Variants in C1orf21 observed in about 807,000 individuals in gnomAD.
C1orf21 encodes the protein chromosome 1 open reading frame 21, also known as uncharacterized protein C1orf21.
Under a neutral mutation model 18.7 loss-of-function variants are expected in C1orf21, and 3 were observed. The ratio of observed to expected loss-of-function variants is 0.16; its 90% CI spans 0.07 to 0.42. The LOEUF (loss-of-function observed/expected upper bound fraction) is 0.42. Among genes scored for constraint, C1orf21 ranks in the 10% least tolerant of loss-of-function variants. The pLI, the probability that C1orf21 is intolerant of heterozygous loss-of-function variation, is 0.99. For missense variants in C1orf21, 104 were observed against 143.6 expected, an observed-to-expected ratio of 0.72 and a Z score of 1.41; for synonymous variants, 41 against 46.4, an observed-to-expected ratio of 0.88 and a Z score of 0.47.
At chr1:184,549,803 G>A (rs1658787473) in intron 3 of C1orf21, among the ~76,000 whole-genome samples, 1 of 151,612 alleles carries the variant, frequency 6.6e-6, no homozygotes, top group Non-Finnish European at 1.5e-5. Context: ...TTATTTTTAT[G>A]TATACAAATA....
intron 5 of C1orf21, among the ~76,000 whole-genome samples, chr1:184,602,521 C>T (rs1252297001): frequency 1.3e-5 from 2 of 152,130 alleles, no homozygotes; most frequent in African/African-American, 4.8e-5. Context: ...TTCACAGGCT[C>T]CTAGAATCTT....
At chr1:184,525,913 A>G (rs947718357) in intron 3 of C1orf21, among the ~76,000 whole-genome samples, 1 of 152,182 alleles carries the variant, frequency 6.6e-6, no homozygotes, top group South Asian at 2.1e-4. Context: ...ATTCTGCTGT[A>G]GATGGTAAAT....
intron 3 of C1orf21, among the ~76,000 whole-genome samples, chr1:184,566,232 C>T (rs1270995607): frequency 6.6e-6 from 1 of 152,070 alleles, no homozygotes; most frequent in Non-Finnish European, 1.5e-5. Context: ...CTGCATGTGC[C>T]AGGGAGTAGT....
At chr1:184,570,638 A>C (rs1301361763) in intron 3 of C1orf21, among the ~76,000 whole-genome samples, 1 of 152,224 alleles carries the variant, frequency 6.6e-6, no homozygotes, top group Non-Finnish European at 1.5e-5. Flanking sequence ...AGTTTTTAAA[A>C]AGTAATATTC....
At chr1:184,486,696 T>C (rs1279087272) in intron 2 of C1orf21, among the ~76,000 whole-genome samples, 2 of 152,122 alleles carry the variant, frequency 1.3e-5, no homozygotes, top group African/African-American at 2.4e-5. Context: ...ATACTTTCTA[T>C]ATTAAAAAAA....
intron 1 of C1orf21, among the ~76,000 whole-genome samples, chr1:184,475,774 T>TCC (rs1657561906): frequency 6.6e-6 from 1 of 151,464 alleles, no homozygotes; most frequent in Non-Finnish European, 1.5e-5. Context: ...TGTGTGTGTG[T>TCC]GTGTGTGTCC....
At chr1:184,425,742 T>C (rs1245302798) in intron 1 of C1orf21, among the ~76,000 whole-genome samples, 1 of 152,182 alleles carries the variant, frequency 6.6e-6, no homozygotes, top group Non-Finnish European at 1.5e-5. Flanking sequence ...CAGAGGCCAA[T>C]TTTGAAAAAC....
At chr1:184,465,819 C>T (rs1657385902) in intron 1 of C1orf21, among the ~76,000 whole-genome samples, 1 of 152,136 alleles carries the variant, frequency 6.6e-6, no homozygotes, top group Non-Finnish European at 1.5e-5. Context: ...CATCAAGTCA[C>T]ACCTTTAGTG....
chr1:184,546,186 G>C (rs1046729568), intron 3 of C1orf21, among the ~76,000 whole-genome samples: 1 of 152,138 alleles, frequency 6.6e-6, no homozygotes, highest in Non-Finnish European at 1.5e-5. Flanking sequence ...TGTAATCCTA[G>C]CACTTTGAGA....
intron 1 of C1orf21, among the ~76,000 whole-genome samples, chr1:184,454,289 A>G (rs1657163717): frequency 6.6e-6 from 1 of 152,210 alleles, no homozygotes; most frequent in Non-Finnish European, 1.5e-5. Context: ...GTATATGTAA[A>G]TAGAATCAGT....
intron 3 of C1orf21, among the ~76,000 whole-genome samples, chr1:184,515,285 C>G (rs1347274803): frequency 6.6e-6 from 1 of 152,060 alleles, no homozygotes; most frequent in Non-Finnish European, 1.5e-5. Flanking sequence ...AGTATATTAT[C>G]TGTGTGCTTT....
chr1:184,586,501 T>G (rs1042770582), intron 3 of C1orf21, among the ~76,000 whole-genome samples: 2 of 152,048 alleles, frequency 1.3e-5, no homozygotes, highest in Non-Finnish European at 1.5e-5. Context: ...GCCAGGATGG[T>G]CTGGATCTCC....
At chr1:184,445,777 A>G (rs1657020699) in intron 1 of C1orf21, among the ~76,000 whole-genome samples, 2 of 152,208 alleles carry the variant, frequency 1.3e-5, no homozygotes, top group South Asian at 4.1e-4. Flanking sequence ...TTGTAAAATG[A>G]AAGTTTTAGT....
chr1:184,603,066 TTAAGTA>T (rs1309864945), intron 5 of C1orf21, among the ~76,000 whole-genome samples: 3 of 152,192 alleles, frequency 2.0e-5, no homozygotes, highest in Admixed American at 6.5e-5. Context: ...CACAAAACTT[TTAAGTA>T]TAATTTCTGG....
intron 5 of C1orf21, among the ~76,000 whole-genome samples, chr1:184,604,050 G>A (rs1236839181): frequency 1.3e-5 from 2 of 152,162 alleles, no homozygotes; most frequent in African/African-American, 4.8e-5. Flanking sequence ...ATCAGAAGAC[G>A]TTTGCTTTTC....
intron 2 of C1orf21, among the ~76,000 whole-genome samples, chr1:184,506,679 C>T (rs561206554): frequency 1.3e-5 from 2 of 152,146 alleles, no homozygotes; most frequent in African/African-American, 2.4e-5. Context: ...AGAGTCACAC[C>T]TATTTTTGAC....
chr1:184,521,913 G>C (rs893682493), intron 3 of C1orf21, among the ~76,000 whole-genome samples: 1 of 152,158 alleles, frequency 6.6e-6, no homozygotes, highest in Non-Finnish European at 1.5e-5. Context: ...CGAAGACTGT[G>C]AGACCAAAAC....
At chr1:184,424,941 A>G (rs1398617785) in intron 1 of C1orf21, among the ~76,000 whole-genome samples, 1 of 152,240 alleles carries the variant, frequency 6.6e-6, no homozygotes, top group Non-Finnish European at 1.5e-5. Flanking sequence ...CTAGCCCTGT[A>G]TACCTTGAAT....
At chr1:184,436,341 CAG>C (rs1217835134) in intron 1 of C1orf21, among the ~76,000 whole-genome samples, 1 of 152,014 alleles carries the variant, frequency 6.6e-6, no homozygotes, top group African/African-American at 2.4e-5. Context: ...TCAAGAAGAA[CAG>C]GGGAAGTGTT....
Sources: allele counts gnomAD v4.1 joint callset (sites outside exome capture counted in the v4.1 genomes callset), GRCh38; gene constraint gnomAD v4.1.1; transcripts MANE v1.5; gene names NCBI Gene and HGNC (gene_info 2026-07-23, HGNC 2026-07-21).